Variants in IL13RA1 observed in about 807,000 individuals in gnomAD.
IL13RA1 encodes interleukin-13 receptor subunit alpha-1.
Under a neutral mutation model 33.8 loss-of-function variants are expected in IL13RA1, and 14 were observed. The ratio of observed to expected loss-of-function variants is 0.41; its 90% CI spans 0.27 to 0.65. IL13RA1 has a LOEUF of 0.65. Among genes scored for constraint, IL13RA1 ranks in the 30% least tolerant of loss-of-function variants. The pLI, the probability that IL13RA1 is intolerant of heterozygous loss-of-function variation, is 0.28. For missense variants in IL13RA1, 313 were observed against 327.0 expected, an observed-to-expected ratio of 0.96 and a Z score of 0.33; for synonymous variants, 116 against 115.7, an observed-to-expected ratio of 1.00 and a Z score of -0.02.
At chrX:118,738,781 CTT>C (rs144796443) in intron 1 of IL13RA1, among the ~76,000 whole-genome samples, 174 of 60,234 alleles carry the variant, frequency 2.9e-3, no homozygotes, top group South Asian at 0.013. Context: ...ATTTTAAGTC[CTT>C]TTTTTTTTTT....
intron 6 of IL13RA1, among the ~76,000 whole-genome samples, chrX:118,761,846 G>A (rs1353087048): frequency 9.0e-6 from 1 of 111,112 alleles, no homozygotes; most frequent in African/African-American, 3.3e-5. Flanking sequence ...CTGGGTGTAG[G>A]GGGTCAGCAG....
intron 8 of IL13RA1, among the ~76,000 whole-genome samples, chrX:118,771,287 C>G (rs1338618452): frequency 1.1e-5 from 1 of 87,185 alleles, no homozygotes; most frequent in African/African-American, 4.5e-5. Flanking sequence ...CACTACAGTA[C>G]AGTGGTTTTC....
intron 2 of IL13RA1, among the ~76,000 whole-genome samples, chrX:118,745,109 A>G (rs980835113): frequency 8.9e-6 from 1 of 112,087 alleles, no homozygotes; most frequent in African/African-American, 3.2e-5. Flanking sequence ...GCACACATGC[A>G]TCTCTCAGGG....
Position 118,740,976 on chromosome X carries a change from C to G in IL13RA1, c.89-41C>G, listed in dbSNP as rs746416779. ...AGAATTAAGCAAACCATTAAAAATA[C>G]TGTTGATAAATTCATTTTTTTTTGT... On this transcript the variant is annotated intron_variant, in intron 1 of 10. Coordinates refer to ENST00000371666, the MANE Select transcript of IL13RA1 (RefSeq NM_001560.3). 12 of 932,398 alleles carry G rather than the reference C, an allele frequency of 1.3e-5. No homozygotes were observed. The African/African-American group carries it at 1.9e-4, about 15-fold the overall frequency. The allele number at this position is 932,398 out of a possible 1,213,427, so 76.8% of individuals were successfully genotyped here. A position where few individuals can be genotyped will look rare whatever the true frequency, so the allele number is the denominator to read the frequency against.
At chrX:118,773,776 A>G in intron 8 of IL13RA1, 103 bp from the exon 9 acceptor site, 2 of 524,422 alleles carry the variant, frequency 3.8e-6, no homozygotes, top group Non-Finnish European at 6.7e-6. Context: ...TGGGGGAGGG[A>G]GCAGAAATAT....
chrX:118,736,182 C>T (rs983448499), intron 1 of IL13RA1, among the ~76,000 whole-genome samples: 1 of 111,613 alleles, frequency 9.0e-6, no homozygotes, highest in African/African-American at 3.3e-5. Flanking sequence ...ATTTTCTTGA[C>T]TCTCTCCACA....
chrX:118,790,997 G>C (rs770087727), intron 10 of IL13RA1, among the ~76,000 whole-genome samples: 1 of 111,908 alleles, frequency 8.9e-6, no homozygotes, highest in South Asian at 3.7e-4. Context: ...GCAGGTGAAG[G>C]CAATATGAAA....
intron 4 of IL13RA1, among the ~76,000 whole-genome samples, chrX:118,753,985 C>T (rs2017498715): frequency 1.8e-5 from 2 of 112,550 alleles, no homozygotes; most frequent in African/African-American, 6.5e-5. Flanking sequence ...TGCATAGTCT[C>T]GCCAACCACT....
intron 1 of IL13RA1, among the ~76,000 whole-genome samples, chrX:118,728,011 T>G (rs1331690484): frequency 2.7e-5 from 3 of 109,528 alleles, no homozygotes; most frequent in African/African-American, 1.0e-4. Context: ...CTGCGACTTG[T>G]AGTGGGAAGA....
At chrX:118,804,831 G>A in the IL13RA1 span, among the ~76,000 whole-genome samples, 1 of 112,112 alleles carries the variant, frequency 8.9e-6, no homozygotes, top group African/African-American at 3.2e-5. Context: ...TTGTCCCACA[G>A]AGCTGATGTT....
chrX:118,734,969 T>C (rs1217226938), intron 1 of IL13RA1, among the ~76,000 whole-genome samples: 1 of 111,535 alleles, frequency 9.0e-6, no homozygotes, highest in Non-Finnish European at 1.9e-5. Context: ...TTACTACTTA[T>C]AGGTCTGTTT....
At chrX:118,777,333 T>G (rs2017797770) in intron 10 of IL13RA1, among the ~76,000 whole-genome samples, 2 of 111,902 alleles carry the variant, frequency 1.8e-5, no homozygotes, top group South Asian at 7.4e-4. Context: ...CTTTTGAAAT[T>G]GGTTCTTCTA....
At chrX:118,800,039 T>C in the IL13RA1 span, among the ~76,000 whole-genome samples, 700 of 91,410 alleles carry the variant, frequency 7.7e-3, no homozygotes, top group Middle Eastern at 0.081. Flanking sequence ...GTGCACCAAT[T>C]GACACTCTGT....
intron 4 of IL13RA1, among the ~76,000 whole-genome samples, chrX:118,752,310 G>A (rs184229584): frequency 7.2e-5 from 8 of 110,631 alleles, no homozygotes; most frequent in African/African-American, 2.0e-4. Context: ...CCTACCATTC[G>A]CCCGCAGCAA....
intron 4 of IL13RA1, among the ~76,000 whole-genome samples, chrX:118,750,426 A>C (rs149846145): frequency 1.0e-3 from 116 of 110,942 alleles, no homozygotes; most frequent in Non-Finnish European, 1.9e-3. Flanking sequence ...CTGGAGATCT[A>C]TACAAGTAGT....
intron 8 of IL13RA1, 30 bp from the exon 9 acceptor site, chrX:118,773,849 A>C: frequency 1.5e-6 from 1 of 685,690 alleles, no homozygotes; most frequent in Non-Finnish European, 2.4e-6. Context: ...TTTATTTCTC[A>C]AGTCTTTCTG....
chrX:118,764,130 C>T (rs2017620282), intron 6 of IL13RA1, among the ~76,000 whole-genome samples: 2 of 109,304 alleles, frequency 1.8e-5, no homozygotes, highest in African/African-American at 6.7e-5. Flanking sequence ...TCAGAGGTAG[C>T]TCATGACAGA....
At chrX:118,775,338 G>T (rs978942481) in intron 9 of IL13RA1, among the ~76,000 whole-genome samples, 1 of 111,158 alleles carries the variant, frequency 9.0e-6, no homozygotes, top group Non-Finnish European at 1.9e-5. Flanking sequence ...ACCACATCAC[G>T]CAGGCCATGG....
intron 10 of IL13RA1, among the ~76,000 whole-genome samples, chrX:118,789,811 T>C (rs1304695728): frequency 9.0e-6 from 1 of 111,320 alleles, no homozygotes; most frequent in South Asian, 3.7e-4. Context: ...AACATTGAGA[T>C]CTTTAATCCA....
Sources: gnomAD v4.1 joint callset for allele counts (sites outside exome capture counted in the v4.1 genomes callset) on GRCh38, gnomAD v4.1.1 for gene constraint, MANE v1.5 for transcripts, NCBI Gene and HGNC (gene_info 2026-07-23, HGNC 2026-07-21) for gene names.